Variants in RSBN1L observed in about 807,000 individuals in gnomAD.
RSBN1L encodes the protein round spermatid basic protein 1 like.
In RSBN1L, 30 loss-of-function variants were observed where a neutral mutation model predicts 67.7. The observed-to-expected ratio is 0.44, with a 90% CI of 0.33 to 0.60. The LOEUF is 0.60. Ranked by LOEUF, RSBN1L falls within the 20% of genes least tolerant of loss-of-function variation. The probability of loss-of-function intolerance (pLI) is 0.02; values close to 1 mark genes in which losing one functional copy is unlikely to be tolerated. For missense variants in RSBN1L, 992 were observed against 1,031.7 expected (o/e 0.96, Z 0.53); for synonymous variants, 433 against 387.0 (o/e 1.12, Z -1.39).
chr7:77,771,826 A>ATT (rs11406602), intron 5 of RSBN1L, among the ~76,000 whole-genome samples: 2,832 of 151,066 alleles, frequency 0.019, 78 homozygotes, highest in African/African-American at 0.064. Flanking sequence ...GTGATTCTTA[A>ATT]TTTTTTTTTC....
At chr7:77,760,487 C>A (rs755726879) in intron 3 of RSBN1L, among the ~76,000 whole-genome samples, 1 of 152,020 alleles carries the variant, frequency 6.6e-6, no homozygotes, top group Non-Finnish European at 1.5e-5. Flanking sequence ...ATAAGCTTTT[C>A]CACAAATACA....
At position 77,782,062 on chromosome 7, in the gene RSBN1L, T is replaced by C. The variant is rs1322071689; in HGVS notation, c.*2894T>C. ...TTGCAGGTACAGCCTTGTTAATGCCTTCAATAATGCTTACGTTCCTTGTCT... is the reference window on the plus strand; with the variant it reads ...TTGCAGGTACAGCCTTGTTAATGCCCTCAATAATGCTTACGTTCCTTGTCT... On this transcript the variant is annotated 3_prime_UTR_variant, in exon 8 of 8. Transcript: ENST00000334955. The C allele has an allele frequency of 6.6e-6, 1 of 151,948 alleles. No homozygotes were observed. Among genetic ancestry groups the C allele is most frequent in the East Asian group, 1.9e-4 (1 of 5,190 alleles). The allele number at this position is 151,948 out of a possible 1,614,324, so 9.4% of individuals were successfully genotyped here. A position where few individuals can be genotyped will look rare whatever the true frequency, so the allele number is the denominator to read the frequency against.
intron 3 of RSBN1L, among the ~76,000 whole-genome samples, chr7:77,753,410 C>A (rs770228842): frequency 3.3e-5 from 5 of 152,118 alleles, no homozygotes; most frequent in Non-Finnish European, 5.9e-5. Context: ...GATTATTATC[C>A]AGTTGAATAT....
At chr7:77,702,044 C>A (rs966118875) in intron 1 of RSBN1L, among the ~76,000 whole-genome samples, 2 of 152,138 alleles carry the variant, frequency 1.3e-5, no homozygotes, top group Non-Finnish European at 2.9e-5. Context: ...TGGCTCCCTG[C>A]AACCTCTGCC....
intron 3 of RSBN1L, among the ~76,000 whole-genome samples, chr7:77,755,508 A>G (rs2150427866): frequency 6.6e-6 from 1 of 152,162 alleles, no homozygotes; most frequent in South Asian, 2.1e-4. Flanking sequence ...TCTACTAAAA[A>G]TACAAAAATT....
intron 1 of RSBN1L, among the ~76,000 whole-genome samples, chr7:77,720,223 A>G (rs1165945916): frequency 2.0e-5 from 3 of 152,132 alleles, no homozygotes; most frequent in Non-Finnish European, 4.4e-5. Context: ...AAAATTAGGT[A>G]TTGTGCATAG....
intron 5 of RSBN1L, among the ~76,000 whole-genome samples, chr7:77,770,135 G>C (rs553163382): frequency 6.6e-6 from 1 of 152,194 alleles, no homozygotes; most frequent in South Asian, 2.1e-4. Flanking sequence ...CACTTTGGGA[G>C]GCTGAGGCGG....
At position 77,781,279 on chromosome 7, in the gene RSBN1L, TG is replaced by T. The variant is rs1243842626; in HGVS notation, c.*2112del. 1 of 152,244 alleles carries T rather than the reference TG, an allele frequency of 6.6e-6. No homozygotes were observed. The highest frequency in any genetic ancestry group is 1.5e-5 in the Non-Finnish European group (1 of 68,048). 9.4% of individuals were successfully genotyped at this position (152,244 alleles called of 1,614,324 possible). ...GTATAAATCAAGATAGTAAGGGTTTTGTTTTATATGTCATTGTCTTACCATG... is the reference window on the plus strand; with the variant it reads ...GTATAAATCAAGATAGTAAGGGTTTTTTTTATATGTCATTGTCTTACCATG... On this transcript the variant is annotated 3_prime_UTR_variant, in exon 8 of 8. Coordinates refer to ENST00000334955, the MANE Select transcript of RSBN1L (RefSeq NM_198467.3).
At chr7:77,772,995 T>G in intron 5 of RSBN1L, 152 bp from the exon 6 acceptor site, 1 of 493,296 alleles carries the variant, frequency 2.0e-6, no homozygotes, top group Non-Finnish European at 3.6e-6. Flanking sequence ...GGGTATCGTA[T>G]TTGTGTTTTT....
chr7:77,742,556 G>C (rs922157220), intron 2 of RSBN1L, among the ~76,000 whole-genome samples: 6 of 152,118 alleles, frequency 3.9e-5, no homozygotes, highest in Non-Finnish European at 7.3e-5. Context: ...ATGTTGTTTA[G>C]GCCTGGTGTG....
intron 3 of RSBN1L, among the ~76,000 whole-genome samples, chr7:77,759,280 C>G (rs944533494): frequency 6.6e-6 from 1 of 152,158 alleles, no homozygotes; most frequent in African/African-American, 2.4e-5. Flanking sequence ...AAGAACTGAT[C>G]TATACAAAAT....
chr7:77,707,205 G>C (rs1237467282), intron 1 of RSBN1L, among the ~76,000 whole-genome samples: 3 of 151,984 alleles, frequency 2.0e-5, no homozygotes, highest in African/African-American at 7.2e-5. Context: ...TGTATTTTTA[G>C]TAGAGACAGG....
At chr7:77,751,513 T>C (rs1266271469) in intron 3 of RSBN1L, among the ~76,000 whole-genome samples, 1 of 152,212 alleles carries the variant, frequency 6.6e-6, no homozygotes, top group Non-Finnish European at 1.5e-5. Context: ...TTAAATATTT[T>C]CTAAACTAGA....
intron 1 of RSBN1L, among the ~76,000 whole-genome samples, chr7:77,714,829 G>C (rs908116215): frequency 6.6e-6 from 1 of 152,054 alleles, no homozygotes; most frequent in African/African-American, 2.4e-5. Flanking sequence ...TGGGCATGGT[G>C]GCAGGCGCCT....
chr7:77,701,170 ACAACAACAAC>A (rs1290210734), intron 1 of RSBN1L, among the ~76,000 whole-genome samples: 1 of 128,526 alleles, frequency 7.8e-6, no homozygotes, highest in Non-Finnish European at 1.6e-5. Flanking sequence ...AAAAAAAAAA[ACAACAACAAC>A]AACAACAACA....
intron 2 of RSBN1L, among the ~76,000 whole-genome samples, chr7:77,744,454 T>C (rs1380074049): frequency 1.3e-5 from 2 of 152,154 alleles, no homozygotes; most frequent in Admixed American, 1.3e-4. Context: ...GTTATTCAAG[T>C]GTGTGTCTTA....
At chr7:77,719,171 GTT>G (rs1291087245) in intron 1 of RSBN1L, among the ~76,000 whole-genome samples, 1 of 152,110 alleles carries the variant, frequency 6.6e-6, no homozygotes, top group Non-Finnish European at 1.5e-5. Context: ...ATGTATGTGT[GTT>G]TTGGAAAATT....
At chr7:77,762,796 ACT>A (rs1460234288) in intron 3 of RSBN1L, among the ~76,000 whole-genome samples, 1 of 151,846 alleles carries the variant, frequency 6.6e-6, no homozygotes, top group Non-Finnish European at 1.5e-5. Flanking sequence ...ATTATCTCCT[ACT>A]CTCTATAATT....
chr7:77,713,482 G>C (rs572945373), intron 1 of RSBN1L, among the ~76,000 whole-genome samples: 23 of 151,402 alleles, frequency 1.5e-4, no homozygotes, highest in East Asian at 1.2e-3. Flanking sequence ...TCAGCCTCCC[G>C]AGTAGCTGGG....
Sources: gnomAD v4.1 joint callset for allele counts (sites outside exome capture counted in the v4.1 genomes callset) on GRCh38, gnomAD v4.1.1 for gene constraint, MANE v1.5 for transcripts, NCBI Gene and HGNC (gene_info 2026-07-23, HGNC 2026-07-21) for gene names.